SPECC1L: variants seen among roughly 807,000 people sequenced by gnomAD.
SPECC1L encodes cytospin-A.
Under a neutral mutation model 116.8 loss-of-function variants are expected in SPECC1L, and 40 were observed. The ratio of observed to expected loss-of-function variants is 0.34; its 90% CI spans 0.27 to 0.45. SPECC1L has a LOEUF of 0.45. Ranked by LOEUF, SPECC1L falls within the 20% of genes least tolerant of loss-of-function variation. The pLI, the probability that SPECC1L is intolerant of heterozygous loss-of-function variation, is 1.00. For missense variants in SPECC1L, 1,110 were observed against 1,373.6 expected (o/e 0.81, Z 3.03); for synonymous variants, 504 against 500.6 (o/e 1.01, Z -0.09).
intron 2 of SPECC1L, among the ~76,000 whole-genome samples, chr22:24,282,562 A>T (rs552126759): frequency 2.8e-4 from 42 of 152,246 alleles, no homozygotes; most frequent in African/African-American, 9.4e-4. Context: ...CTATGGGGAA[A>T]ATATTCAGTC....
At chr22:24,370,126 G>A (rs2041844852) in intron 14 of SPECC1L, among the ~76,000 whole-genome samples, 1 of 152,194 alleles carries the variant, frequency 6.6e-6, no homozygotes, top group African/African-American at 2.4e-5. Context: ...TACAACATTT[G>A]CATACAAATT....
At chr22:24,282,083 TC>T (rs2048954812) in intron 2 of SPECC1L, among the ~76,000 whole-genome samples, 1 of 152,174 alleles carries the variant, frequency 6.6e-6, no homozygotes, top group Non-Finnish European at 1.5e-5. Context: ...GTTGAAACTT[TC>T]TTCTTGAGCT....
rs1402812039 is a variant in SPECC1L, at chr22:24,414,834, A to G, written c.*211A>G. ...AGGGCCCCTCCCACATGACCCGTCC[A>G]TTCAGGTCATGTGGGCTCAGCACAC... is the stretch of plus-strand genomic sequence containing the variant. On this transcript the variant is annotated 3_prime_UTR_variant, in exon 17 of 17. Coordinates refer to ENST00000314328, the MANE Select transcript of SPECC1L (RefSeq NM_015330.6). 22 of 591,342 alleles carry G rather than the reference A, an allele frequency of 3.7e-5. No homozygotes were observed. In the South Asian group the frequency reaches 3.8e-4, roughly 10 times the overall value. 36.6% of individuals were successfully genotyped at this position (591,342 alleles called of 1,614,324 possible).
chr22:24,411,532 T>C (rs1399780111), intron 14 of SPECC1L, 56 bp from the exon 15 acceptor site: 14 of 1,511,590 alleles, frequency 9.3e-6, no homozygotes, highest in African/African-American at 1.4e-5. Context: ...CTCCTTGGCA[T>C]CTCCTAAGAG....
intron 2 of SPECC1L, among the ~76,000 whole-genome samples, chr22:24,280,771 G>A (rs867557371): frequency 6.6e-5 from 10 of 152,022 alleles, no homozygotes; most frequent in Non-Finnish European, 1.0e-4. Flanking sequence ...TAGAGGCGGC[G>A]TTTCACCATG....
intron 10 of SPECC1L, among the ~76,000 whole-genome samples, chr22:24,340,206 T>TGGC (rs1158892422): frequency 3.0e-5 from 4 of 134,538 alleles, no homozygotes; most frequent in African/African-American, 5.7e-5. Context: ...TGGAATGAAA[T>TGGC]GGCATGATTT....
chr22:24,352,537 A>G (rs2041446519), intron 11 of SPECC1L, among the ~76,000 whole-genome samples: 1 of 152,242 alleles, frequency 6.6e-6, no homozygotes, highest in African/African-American at 2.4e-5. Flanking sequence ...TTTGAAAAAA[A>G]AATGATTTAT....
At chr22:24,389,780 A>C (rs1225010987) in intron 14 of SPECC1L, among the ~76,000 whole-genome samples, 1 of 152,168 alleles carries the variant, frequency 6.6e-6, no homozygotes, top group African/African-American at 2.4e-5. Context: ...GGAGACAAAT[A>C]GGAGAAAAAG....
At chr22:24,315,014 T>C (rs911895919) in intron 4 of SPECC1L, among the ~76,000 whole-genome samples, 2 of 152,276 alleles carry the variant, frequency 1.3e-5, no homozygotes, top group African/African-American at 4.8e-5. Flanking sequence ...ATTTTACTTC[T>C]TACGTTTATA....
intron 11 of SPECC1L, among the ~76,000 whole-genome samples, chr22:24,355,373 G>T (rs1310935147): frequency 2.0e-5 from 3 of 151,672 alleles, no homozygotes; most frequent in African/African-American, 7.3e-5. Context: ...TCCCTCTCTG[G>T]ATAGAACTAG....
chr22:24,292,607 C>G (rs886813831), intron 2 of SPECC1L, among the ~76,000 whole-genome samples: 1 of 152,076 alleles, frequency 6.6e-6, no homozygotes, highest in African/African-American at 2.4e-5. Flanking sequence ...GTCTCTTGAC[C>G]TTTAAGTTCA....
rs1362483319 is a variant in SPECC1L, at chr22:24,330,316, A to G, written c.2281A>G (p.Asn761Asp). The G allele has an allele frequency of 6.2e-7, 1 of 1,614,168 alleles. No homozygotes were observed. Among genetic ancestry groups the G allele is most frequent in the Non-Finnish European group, 8.5e-7 (1 of 1,180,036 alleles). The change falls in exon 8 of 17, where the codon AAT (asparagine) becomes GAT (aspartate). Residue 761 changes from asparagine (N) to aspartate (D), a missense_variant. Around this residue, in one of 4 missense-constraint regions of SPECC1L, gnomAD observed 575 missense variants for 682.4 expected, o/e 0.84. Coordinates refer to ENST00000314328, the MANE Select transcript of SPECC1L (RefSeq NM_015330.6). ...ADLQTAVVIA[N>D]DIKSEAQEEI... Reference sequence around the variant, plus strand: ...TCTCCAGACTGCAGTAGTCATTGCAAATGACATTAAATCTGAAGCCCAAGA... The same window carrying G: ...TCTCCAGACTGCAGTAGTCATTGCAGATGACATTAAATCTGAAGCCCAAGA...
At chr22:24,345,292 T>C (rs6004139) in intron 10 of SPECC1L, among the ~76,000 whole-genome samples, 188 of 152,284 alleles carry the variant, frequency 1.2e-3, no homozygotes, top group African/African-American at 4.1e-3. Flanking sequence ...CCGTACCTTA[T>C]GAAATACACA....
chr22:24,407,312 G>T (rs897129905), intron 14 of SPECC1L, among the ~76,000 whole-genome samples: 5 of 152,250 alleles, frequency 3.3e-5, no homozygotes, highest in African/African-American at 1.2e-4. Flanking sequence ...CTTTGTAAAA[G>T]AAGTCTCTCT....
chr22:24,379,791 T>C (rs1283672697), intron 14 of SPECC1L, among the ~76,000 whole-genome samples: 2 of 152,232 alleles, frequency 1.3e-5, no homozygotes, highest in East Asian at 1.9e-4. Flanking sequence ...TCCTTCCCTT[T>C]AGAAGCAAAG....
chr22:24,396,081 A>C (rs1252482772), intron 14 of SPECC1L, among the ~76,000 whole-genome samples: 1 of 152,220 alleles, frequency 6.6e-6, no homozygotes, highest in Non-Finnish European at 1.5e-5. Context: ...TTGGGTTTAT[A>C]GCTCCTGCAG....
At chr22:24,394,000 G>T (rs555893960) in intron 14 of SPECC1L, among the ~76,000 whole-genome samples, 73 of 152,344 alleles carry the variant, frequency 4.8e-4, no homozygotes, top group African/African-American at 1.8e-3. Flanking sequence ...TCATGTCATT[G>T]TGTGTAACCG....
intron 16 of SPECC1L, among the ~76,000 whole-genome samples, chr22:24,413,242 C>G (rs1339845051): frequency 6.6e-6 from 1 of 152,158 alleles, no homozygotes; most frequent in African/African-American, 2.4e-5. Context: ...GGAAACCCGG[C>G]GTGTTCTCAG....
chr22:24,289,651 G>A (rs1435112980), intron 2 of SPECC1L, among the ~76,000 whole-genome samples: 1 of 151,110 alleles, frequency 6.6e-6, no homozygotes, highest in African/African-American at 2.4e-5. Context: ...GAATACAGTT[G>A]TGCTGTTTAG....
Sources: gnomAD v4.1 joint callset for allele counts (sites outside exome capture counted in the v4.1 genomes callset) on GRCh38, gnomAD v4.1.1 for gene constraint, gnomAD v4.1.1 regional missense constraint, MANE v1.5 for transcripts, NCBI Gene and HGNC (gene_info 2026-07-23, HGNC 2026-07-21) for gene names.